NCK2: variants seen among roughly 807,000 people sequenced by gnomAD.
NCK2 encodes the protein NCK adaptor protein 2.
Under a neutral mutation model 33.9 loss-of-function variants are expected in NCK2, and 16 were observed. The ratio of observed to expected loss-of-function variants is 0.47; its 90% confidence interval spans 0.32 to 0.72. NCK2 has a LOEUF of 0.72. Ranked by LOEUF, NCK2 falls within the 30% of genes least tolerant of loss-of-function variation. NCK2 has a pLI of 0.03. For missense variants in NCK2, 418 were observed against 537.3 expected, an observed-to-expected ratio of 0.78 and a Z score of 2.19; for synonymous variants, 273 against 239.9, an observed-to-expected ratio of 1.14 and a Z score of -1.27.
chr2:105,824,247 A>C (rs1675859717), intron 2 of NCK2, among the ~76,000 whole-genome samples: 2 of 150,422 alleles, frequency 1.3e-5, no homozygotes, highest in Non-Finnish European at 2.9e-5. Context: ...TCCATAGAGT[A>C]CTGCTTTCCA....
At chr2:105,790,069 A>C (rs890549161) in intron 1 of NCK2, among the ~76,000 whole-genome samples, 2 of 152,214 alleles carry the variant, frequency 1.3e-5, no homozygotes, top group African/African-American at 4.8e-5. Flanking sequence ...TATTGCTTCT[A>C]CTTTGTGGAA....
chr2:105,861,342 A>G (rs1437948341), intron 3 of NCK2, among the ~76,000 whole-genome samples: 1 of 152,122 alleles, frequency 6.6e-6, no homozygotes, highest in Non-Finnish European at 1.5e-5. Context: ...CAGACGTCAC[A>G]TGTCTTGTGA....
intron 1 of NCK2, among the ~76,000 whole-genome samples, chr2:105,784,861 C>T (rs1216166229): frequency 6.6e-6 from 1 of 152,186 alleles, no homozygotes; most frequent in African/African-American, 2.4e-5. Flanking sequence ...ATAGGATACA[C>T]GAGTAAAGTT....
chr2:105,874,964 C>T (rs183773942), intron 3 of NCK2, among the ~76,000 whole-genome samples: 1 of 152,354 alleles, frequency 6.6e-6, no homozygotes, highest in African/African-American at 2.4e-5. Flanking sequence ...AAATCCAAGT[C>T]AGCTATTTGC....
intron 1 of NCK2, among the ~76,000 whole-genome samples, chr2:105,789,806 G>A (rs1417493119): frequency 6.6e-6 from 1 of 152,200 alleles, no homozygotes; most frequent in Non-Finnish European, 1.5e-5. Context: ...TGCCTCAGTG[G>A]TCTGGGGTGG....
chr2:105,792,823 G>GA (rs1318567405), intron 1 of NCK2, among the ~76,000 whole-genome samples: 1 of 152,176 alleles, frequency 6.6e-6, no homozygotes, highest in South Asian at 2.1e-4. Context: ...GAGCAACCTG[G>GA]ATGGCCGTGG....
chr2:105,891,198 G>A (rs772014764), intron 4 of NCK2, among the ~76,000 whole-genome samples: 6 of 151,990 alleles, frequency 3.9e-5, no homozygotes, highest in African/African-American at 4.8e-5. Context: ...TCTCACATCT[G>A]CGCACGCTCA....
chr2:105,795,183 G>T (rs537709019), intron 1 of NCK2, among the ~76,000 whole-genome samples: 173 of 152,224 alleles, frequency 1.1e-3, no homozygotes, highest in Admixed American at 2.1e-3. Flanking sequence ...AAAGTCCAGG[G>T]TTTATATTTG....
chr2:105,891,588 G>T (rs1475121108), intron 4 of NCK2, among the ~76,000 whole-genome samples: 1 of 88,218 alleles, frequency 1.1e-5, no homozygotes, highest in Non-Finnish European at 2.0e-5. Context: ...CGCTCTTGTT[G>T]CCCAGACCAG....
At chr2:105,844,697 T>C (rs1271716490) in intron 2 of NCK2, among the ~76,000 whole-genome samples, 4 of 148,002 alleles carry the variant, frequency 2.7e-5, no homozygotes, top group African/African-American at 1.0e-4. Context: ...ATCGCGCCAC[T>C]GCACTCCAGC....
Position 105,893,844 on chromosome 2 carries a change from C to T in NCK2, c.*668C>T, listed in dbSNP as rs1679099187. The T allele has an allele frequency of 6.6e-6, 1 of 152,616 alleles. No individual in the cohort carries two copies. Among genetic ancestry groups the T allele is most frequent in the African/African-American group, 2.4e-5 (1 of 41,440 alleles). 9.5% of individuals were successfully genotyped at this position (152,616 alleles called of 1,614,324 possible). ...TGCCATCCACATAGTGCTTTTTCCTCTTGCCCTTCGGCTTGTTTGAATCTC... is the reference window on the plus strand; with the variant it reads ...TGCCATCCACATAGTGCTTTTTCCTTTTGCCCTTCGGCTTGTTTGAATCTC... On this transcript the variant is annotated 3_prime_UTR_variant, in exon 5 of 5. Transcript: ENST00000233154.
At chr2:105,769,326 C>G (rs1407289073) in intron 1 of NCK2, among the ~76,000 whole-genome samples, 1 of 150,698 alleles carries the variant, frequency 6.6e-6, no homozygotes, top group East Asian at 2.0e-4. Context: ...AAGCCCTCCT[C>G]TCAGTAAAAC....
intron 1 of NCK2, among the ~76,000 whole-genome samples, chr2:105,790,879 A>T (rs1690856074): frequency 6.6e-6 from 1 of 152,216 alleles, no homozygotes; most frequent in Non-Finnish European, 1.5e-5. Flanking sequence ...GCCCGAGGCA[A>T]GGGAGGAGAG....
chr2:105,876,370 G>T (rs900565954), intron 3 of NCK2, among the ~76,000 whole-genome samples: 6 of 152,224 alleles, frequency 3.9e-5, no homozygotes, highest in Non-Finnish European at 2.9e-5. Context: ...CATGGGTGAG[G>T]ACCCACCTAC....
chr2:105,824,753 G>A lies in NCK2; in HGVS notation c.-17+8140G>A, dbSNP rs932179112. 3.9e-5 allele frequency among the ~76,000 whole-genome samples: 6 copies of A among 152,296 alleles called. No homozygotes were observed. In the South Asian group the frequency reaches 1.2e-3, roughly 32 times the overall value. ...TTCCTTTGGCAGTGACATGGAGGGA[G>A]AGGGTAGATGAAGTTGGGTGTGTGA... On this transcript the variant is annotated intron_variant, in intron 2 of 4. Transcript: ENST00000233154.
At chr2:105,837,832 CTTGAG>C (rs939501788) in intron 2 of NCK2, among the ~76,000 whole-genome samples, 6 of 152,158 alleles carry the variant, frequency 3.9e-5, no homozygotes, top group African/African-American at 7.2e-5. Flanking sequence ...TATGAATGAA[CTTGAG>C]TTATTTTTAT....
At chr2:105,764,315 T>A (rs1689863342) in intron 1 of NCK2, among the ~76,000 whole-genome samples, 1 of 152,246 alleles carries the variant, frequency 6.6e-6, no homozygotes, top group Admixed American at 6.5e-5. Context: ...CATCCCACAT[T>A]CTTAATTATT....
chr2:105,754,470 T>G (rs904221765), intron 1 of NCK2, among the ~76,000 whole-genome samples: 46 of 152,220 alleles, frequency 3.0e-4, no homozygotes, highest in Admixed American at 1.3e-3. Context: ...TTTAAGGATG[T>G]CTGCAAGTCA....
intron 3 of NCK2, chr2:105,855,531 C>T (rs1019942926): frequency 2.6e-5 from 11 of 425,650 alleles, no homozygotes; most frequent in African/African-American, 1.4e-4. Flanking sequence ...TGCTTGGGAC[C>T]CCTGCACAGG....
Sources: allele counts gnomAD v4.1 joint callset (sites outside exome capture counted in the v4.1 genomes callset), GRCh38; gene constraint gnomAD v4.1.1; transcripts MANE v1.5; gene names NCBI Gene and HGNC (gene_info 2026-07-23, HGNC 2026-07-21).